The following OR4P4 variants were observed in gnomAD, a reference collection of about 807,000 sequenced individuals.
The protein encoded by OR4P4 is olfactory receptor 4P4.
A neutral mutation model predicts 2.1 loss-of-function variants in OR4P4; 1 was observed. The observed-to-expected ratio is 0.47, with a 90% CI of 0.17 to 2.21. The LOEUF is 2.21. Among genes scored for constraint, OR4P4 ranks in the 30% most tolerant of loss-of-function variants. The pLI is 0.27. For synonymous variants in OR4P4, 129 were observed against 133.2 expected, an observed-to-expected ratio of 0.97 and a Z score of 0.22; for missense variants, 375 against 376.5, an observed-to-expected ratio of 1.00 and a Z score of 0.03.
exon 2 of OR4P4, chr11:55,638,367 A>G: frequency 7.4e-7 from 1 of 1,357,724 alleles, no homozygotes; most frequent in Non-Finnish European, 1.0e-6. Context: ...CATGGAAAAA[A>G]GCAATAATAG....
chr11:55,639,601 G>A, exon 2 of OR4P4: 1 of 251,572 alleles, frequency 4.0e-6, no homozygotes, highest in Admixed American at 5.9e-5. Flanking sequence ...TGTTTTTTGT[G>A]CCTTAAAGTT....
At chr11:55,638,522 A>G in exon 2 of OR4P4, 1 of 1,486,870 alleles carries the variant, frequency 6.7e-7, no homozygotes, top group South Asian at 1.2e-5. Flanking sequence ...TCATTCACCA[A>G]CCCATGTATT....
Position 55,638,633 on chromosome 11 carries a change from T to C in OR4P4, c.276T>C (p.Tyr92=). The C allele has an allele frequency of 5.4e-6, 8 of 1,490,902 alleles. 3 individuals are homozygous for C. The highest frequency in any genetic ancestry group is 7.3e-6 in the Non-Finnish European group (8 of 1,096,044). The allele number at this position is 1,490,902 out of a possible 1,614,324, so 92.4% of individuals were successfully genotyped here. A position where few individuals can be genotyped will look rare whatever the true frequency, so the allele number is the denominator to read the frequency against. The change falls in exon 2 of 2, where the codon TAT becomes TAC. Residue 92 remains tyrosine (Y), a synonymous_variant. Coordinates refer to ENST00000641760, the Ensembl canonical transcript of OR4P4. ...TGGCAGAAAGAAAGACCATTTCCTATAATAACTGTATGATACAACTCTTTA... is the reference window on the plus strand; with the variant it reads ...TGGCAGAAAGAAAGACCATTTCCTACAATAACTGTATGATACAACTCTTTA...
In OR4P4 at chr11:55,638,677, G is replaced by T. The variant is rs765138837; in HGVS notation, c.320G>T (p.Gly107Val). The T allele has an allele frequency of 4.7e-6, 7 of 1,491,140 alleles. 2 individuals carry two copies. The highest frequency in any genetic ancestry group is 9.1e-7 in the Non-Finnish European group (1 of 1,096,138). 92.4% of individuals were successfully genotyped at this position (1,491,140 alleles called of 1,614,324 possible). Residue 107 changes from glycine (G) to valine (V), a missense_variant, in exon 2 of 2, where the codon GGC becomes GTC. Physicochemically the swap from Gly to Val is moderately radical, Grantham distance 109. Transcript: ENST00000641760. ...CTCTTTACCACCCATTTTTTTGGAG[G>T]CATAGAGATCTTCATTCTCACAGGG...
chr11:55,637,023 T>C (rs1858396493), intron 1 of OR4P4, among the ~76,000 whole-genome samples: 2 of 138,032 alleles, frequency 1.4e-5, no homozygotes, highest in Non-Finnish European at 3.2e-5. Context: ...TAGTTAAACA[T>C]GGTGGTTCTA....
At chr11:55,638,823 A>G in exon 2 of OR4P4, 1 of 1,491,856 alleles carries the variant, frequency 6.7e-7, no homozygotes, top group Non-Finnish European at 9.1e-7. Flanking sequence ...ACATTCTGCC[A>G]GTCAGTTTCT....
In OR4P4 at chr11:55,638,740, TG is replaced by T; in HGVS notation, c.384del (p.His129ThrfsTer6). 6.7e-7 allele frequency: 1 copy of T among 1,493,316 alleles called. No individual in the cohort carries two copies. The highest frequency in any genetic ancestry group is 9.1e-7 in the Non-Finnish European group (1 of 1,098,022). The allele number at this position is 1,493,316 out of a possible 1,614,324, so 92.5% of individuals were successfully genotyped here. The stretch of plus-strand genomic sequence containing the variant: ...CGCTATGTGGCCATTTGCAAGCCCC[TG>T]CACTACACCATTATTATGAGCAGGC... On this transcript the variant is annotated frameshift_variant, in exon 2 of 2. Coordinates refer to ENST00000641760, the Ensembl canonical transcript of OR4P4. LOFTEE classifies it low-confidence loss of function (END_TRUNC).
chr11:55,638,046 T>C lies in OR4P4; in HGVS notation c.-30-282T>C, dbSNP rs1262724589. On this transcript the variant is annotated intron_variant, in intron 1 of 1. Coordinates refer to ENST00000641760, the Ensembl canonical transcript of OR4P4. ...TGTATATTACATTAGACTTTGGAAA[T>C]AAACATTCCCTATGATAGAATTTTA... Among the ~76,000 whole-genome samples, 2 of 138,190 alleles carry C rather than the reference T, an allele frequency of 1.4e-5. 1 individual carries two copies. The highest frequency in any genetic ancestry group is 3.2e-5 in the Non-Finnish European group (2 of 62,116). The allele number at this position is 138,190 out of a possible 152,430, so 90.7% of individuals were successfully genotyped here. A position where few individuals can be genotyped will look rare whatever the true frequency, so the allele number is the denominator to read the frequency against.
In OR4P4 at chr11:55,636,718, A is replaced by G. The variant is rs558667086; in HGVS notation, c.-31+1502A>G. Among the ~76,000 whole-genome samples, 82 of 137,844 alleles carry G rather than the reference A, an allele frequency of 5.9e-4. 10 individuals are homozygous for G. The highest frequency in any genetic ancestry group is 2.0e-3 in the African/African-American group (81 of 39,964). 90.4% of individuals were successfully genotyped at this position (137,844 alleles called of 152,430 possible). A position where few individuals can be genotyped will look rare whatever the true frequency, so the allele number is the denominator to read the frequency against. ...GTAATTTTCATGTGTTTTCCTTGTG[A>G]TATATTGATATTAGCACAACGATAT... On this transcript the variant is annotated intron_variant, in intron 1 of 1. Coordinates refer to ENST00000641760, the Ensembl canonical transcript of OR4P4.
In OR4P4 at chr11:55,637,096, T is replaced by A. The variant is rs1290362894; in HGVS notation, c.-30-1232T>A. Among the ~76,000 whole-genome samples the A allele has an allele frequency of 2.2e-5, 3 of 138,210 alleles. 1 individual carries two copies. Among genetic ancestry groups the A allele is most frequent in the African/African-American group, 7.5e-5 (3 of 39,914 alleles). The allele number at this position is 138,210 out of a possible 152,430, so 90.7% of individuals were successfully genotyped here. On this transcript the variant is annotated intron_variant, in intron 1 of 1. Coordinates refer to ENST00000641760, the Ensembl canonical transcript of OR4P4. Reference sequence around the variant, plus strand: ...AGGTAGAGAATTTAGTCATCAGCTGTAGCTGACAAAACCAAGACAACAATT... The same window carrying A: ...AGGTAGAGAATTTAGTCATCAGCTGAAGCTGACAAAACCAAGACAACAATT...
rs201223404 is a variant in OR4P4, at chr11:55,639,271, T to C, written c.914T>C (p.Leu305Pro). The change falls in exon 2 of 2, where the codon CTC (leucine) becomes CCC (proline). Residue 305 changes from leucine (L) to proline (P), a missense_variant. Leu to Pro is a moderately conservative substitution (Grantham distance 98, BLOSUM62 -3). Coordinates refer to ENST00000641760, the Ensembl canonical transcript of OR4P4. Reference sequence around the variant, plus strand: ...AGGAAAGTGTGGTGTTGTCAAATACTCCTGAAAAGAAATCAACTTTTCTGA... The same window carrying C: ...AGGAAAGTGTGGTGTTGTCAAATACCCCTGAAAAGAAATCAACTTTTCTGA... 13 of 1,449,934 alleles carry C rather than the reference T, an allele frequency of 9.0e-6. 2 individuals carry two copies. The allele number at this position is 1,449,934 out of a possible 1,614,324, so 89.8% of individuals were successfully genotyped here. A position where few individuals can be genotyped will look rare whatever the true frequency, so the allele number is the denominator to read the frequency against.
chr11:55,638,455 A>G lies in OR4P4; in HGVS notation c.98A>G (p.Tyr33Cys). Residue 33 changes from tyrosine (Y) to cysteine (C), a missense_variant, in exon 2 of 2, where the codon TAC (tyrosine) becomes TGC (cysteine). Transcript: ENST00000641760. ...TGCTTTGTATTATTTTTGTTTTGCT[A>G]CATTGCTATTTGGATGGGAAACTTA... 3 of 1,466,234 alleles carry G rather than the reference A, an allele frequency of 2.0e-6. No homozygotes were observed. In the South Asian group the frequency reaches 3.6e-5, roughly 17 times the overall value. The allele number at this position is 1,466,234 out of a possible 1,614,324, so 90.8% of individuals were successfully genotyped here.
exon 2 of OR4P4, chr11:55,639,423 T>C (rs1590790776): frequency 1.8e-6 from 1 of 549,514 alleles, no homozygotes; most frequent in Non-Finnish European, 3.1e-6. Context: ...TGTGGTTTTA[T>C]ACTTCTACAT....
exon 2 of OR4P4, chr11:55,640,153 G>GGTA (rs1013394905): frequency 7.6e-6 from 1 of 131,600 alleles, no homozygotes; most frequent in Non-Finnish European, 1.7e-5. Flanking sequence ...TAATAATAAT[G>GGTA]ATAATAATAA....
In OR4P4 at chr11:55,635,842, A is replaced by G; in HGVS notation, c.-31+626A>G. Among the ~76,000 whole-genome samples, 2 of 137,820 alleles carry G rather than the reference A, an allele frequency of 1.5e-5. 1 individual carries two copies. Among genetic ancestry groups the G allele is most frequent in the Non-Finnish European group, 3.2e-5 (2 of 61,756 alleles). 90.4% of individuals were successfully genotyped at this position (137,820 alleles called of 152,430 possible). The stretch of plus-strand genomic sequence containing the variant: ...TTAAACAAGCTGTACTGCAAATTCT[A>G]TAGACTAAGACATTTTTGGATTAAA... On this transcript the variant is annotated intron_variant, in intron 1 of 1. Coordinates refer to ENST00000641760, the Ensembl canonical transcript of OR4P4.
chr11:55,636,140 T>C (rs1206904761), intron 1 of OR4P4, among the ~76,000 whole-genome samples: 2 of 137,848 alleles, frequency 1.5e-5, no homozygotes, highest in Non-Finnish European at 3.2e-5. Flanking sequence ...GCGCCAAGAA[T>C]ATAAGGTCAT....
chr11:55,639,026 C>A lies in OR4P4; in HGVS notation c.669C>A (p.Ile223=), dbSNP rs555800071. 1.0e-5 allele frequency: 15 copies of A among 1,492,222 alleles called. 4 individuals are homozygous for A. The highest frequency in any genetic ancestry group is 1.4e-5 in the African/African-American group (1 of 72,924). 92.4% of individuals were successfully genotyped at this position (1,492,222 alleles called of 1,614,324 possible). ...CTTATGTTTTTATATTGTATACCATCAGAGCATACTCTGCAGAGAGACGCA... is the reference window on the plus strand; with the variant it reads ...CTTATGTTTTTATATTGTATACCATAAGAGCATACTCTGCAGAGAGACGCA... The change falls in exon 2 of 2, where the codon ATC becomes ATA. Residue 223 remains isoleucine, a synonymous_variant. Coordinates refer to ENST00000641760, the Ensembl canonical transcript of OR4P4.
At position 55,638,685 on chromosome 11, in the gene OR4P4, A is replaced by G. The variant is rs1183928235; in HGVS notation, c.328A>G (p.Ile110Val). The change falls in exon 2 of 2, where the codon ATC becomes GTC. Residue 110 changes from isoleucine to valine, a missense_variant. Transcript: ENST00000641760. ...CACCCATTTTTTTGGAGGCATAGAG[A>G]TCTTCATTCTCACAGGGATGGCCTA... 8 of 1,491,526 alleles carry G rather than the reference A, an allele frequency of 5.4e-6. No individual in the cohort carries two copies. Among genetic ancestry groups the G allele is most frequent in the Non-Finnish European group, 7.3e-6 (8 of 1,095,990 alleles). The allele number at this position is 1,491,526 out of a possible 1,614,324, so 92.4% of individuals were successfully genotyped here.
rs201341585 is a variant in OR4P4, at chr11:55,639,287, A to T, written c.930A>T (p.Gln310His). ...GTCAAATACTCCTGAAAAGAAATCAACTTTTCTGAATTGTTTCTGCTTTTC... is the reference window on the plus strand; with the variant it reads ...GTCAAATACTCCTGAAAAGAAATCATCTTTTCTGAATTGTTTCTGCTTTTC... The change falls in exon 2 of 2, where the codon CAA (glutamine) becomes CAT (histidine). Residue 310 changes from glutamine (Q) to histidine (H), a missense_variant. By Grantham distance (24) the Gln-to-His change is conservative (BLOSUM62 0). Transcript: ENST00000641760. 568 of 1,410,538 alleles carry T rather than the reference A, an allele frequency of 4.0e-4. 95 individuals are homozygous for T. The highest frequency in any genetic ancestry group is 5.1e-4 in the Non-Finnish European group (530 of 1,041,210). 87.4% of individuals were successfully genotyped at this position (1,410,538 alleles called of 1,614,324 possible). A position where few individuals can be genotyped will look rare whatever the true frequency, so the allele number is the denominator to read the frequency against.
Sources: allele counts gnomAD v4.1 joint callset (sites outside exome capture counted in the v4.1 genomes callset), GRCh38; gene constraint gnomAD v4.1.1; transcripts MANE v1.5; gene names NCBI Gene and HGNC (gene_info 2026-07-23, HGNC 2026-07-21).